Variants in MAPK14 observed in about 807,000 individuals in gnomAD.
MAPK14 encodes the protein mitogen-activated protein kinase 14.
In MAPK14, 16 loss-of-function variants were observed where a neutral mutation model predicts 49.6. That is an observed-to-expected ratio of 0.32 (90% CI 0.22 to 0.49). MAPK14 has a LOEUF of 0.49. MAPK14 is among the 20% of genes least tolerant of loss of function. The pLI, the probability that MAPK14 is intolerant of heterozygous loss-of-function variation, is 0.99. For missense variants in MAPK14, 200 were observed against 441.2 expected, an observed-to-expected ratio of 0.45 and a Z score of 4.90; for synonymous variants, 142 against 158.0, an observed-to-expected ratio of 0.90 and a Z score of 0.76.
intron 11 of MAPK14, among the ~76,000 whole-genome samples, chr6:36,108,076 C>A (rs1765852269): frequency 6.6e-6 from 1 of 152,214 alleles, no homozygotes; most frequent in African/African-American, 2.4e-5. Flanking sequence ...ATCCCAAGAG[C>A]CAAGACCATC....
intron 4 of MAPK14, chr6:36,073,239 C>G (rs1764379885): frequency 2.1e-6 from 1 of 478,770 alleles, no homozygotes; most frequent in African/African-American, 2.0e-5. Flanking sequence ...TTATATAATA[C>G]CATCCATAGA....
chr6:36,034,593 G>A (rs1213066518), intron 1 of MAPK14, among the ~76,000 whole-genome samples: 1 of 152,200 alleles, frequency 6.6e-6, no homozygotes, highest in African/African-American at 2.4e-5. Flanking sequence ...TCTCATGGCT[G>A]CTATGGAAGT....
chr6:36,066,713 G>A (rs1581779113), intron 3 of MAPK14, among the ~76,000 whole-genome samples: 1 of 151,854 alleles, frequency 6.6e-6, no homozygotes, highest in East Asian at 1.9e-4. Flanking sequence ...TTTGTACTTG[G>A]ATAAAAATTG....
chr6:36,107,375 A>G lies in MAPK14; in HGVS notation c.842-80A>G. 9.7e-7 allele frequency: 1 copy of G among 1,035,870 alleles called. No homozygotes were observed. Among genetic ancestry groups the G allele is most frequent in the South Asian group, 2.0e-5 (1 of 48,962 alleles). The allele number at this position is 1,035,870 out of a possible 1,614,324, so 64.2% of individuals were successfully genotyped here. ...GTTCTTTGTTTGGATATGAAGGGTC[A>G]AAACTATGTTTGCTCAATAAGGCAT... On this transcript the variant is annotated intron_variant, in intron 10 of 11. Transcript: ENST00000229794. The surrounding 1 kb of genome is among the most constrained non-coding windows in gnomAD (Gnocchi z 4.3).
At chr6:36,087,314 G>C (rs1398357223) in intron 8 of MAPK14, among the ~76,000 whole-genome samples, 2 of 152,058 alleles carry the variant, frequency 1.3e-5, no homozygotes, top group East Asian at 3.8e-4. Context: ...AGAAAGAAAG[G>C]GTATTCAAAT....
chr6:36,090,266 G>A (rs1054815257), intron 8 of MAPK14, among the ~76,000 whole-genome samples: 1 of 151,980 alleles, frequency 6.6e-6, no homozygotes, highest in African/African-American at 2.4e-5. Context: ...TAGAGCTAAA[G>A]CTTCTGGAGA....
chr6:36,071,177 AC>A (rs1033982404), intron 3 of MAPK14, among the ~76,000 whole-genome samples: 4 of 152,148 alleles, frequency 2.6e-5, no homozygotes, highest in African/African-American at 9.6e-5. Flanking sequence ...TACTAAAAAT[AC>A]AAAAATTAGC....
rs1252630703 is a variant in MAPK14 at position 36,110,781 on chromosome 6, T to C, written c.*2334T>C. 1.3e-5 allele frequency: 2 copies of C among 152,274 alleles called. No individual in the cohort carries two copies. Among genetic ancestry groups the C allele is most frequent in the African/African-American group, 2.4e-5 (1 of 41,472 alleles). The allele number at this position is 152,274 out of a possible 1,614,324, so 9.4% of individuals were successfully genotyped here. A position where few individuals can be genotyped will look rare whatever the true frequency, so the allele number is the denominator to read the frequency against. Reference sequence around the variant, plus strand: ...TTTAGTGAGTTTCTCAAGTTTATTATATTTTTCTCTTGTTTTTATTTAATG... The same window carrying C: ...TTTAGTGAGTTTCTCAAGTTTATTACATTTTTCTCTTGTTTTTATTTAATG... On this transcript the variant is annotated 3_prime_UTR_variant, in exon 12 of 12. Coordinates refer to ENST00000229794, the MANE Select transcript of MAPK14 (RefSeq NM_139012.3).
At chr6:36,059,900 A>G (rs892341976) in intron 3 of MAPK14, among the ~76,000 whole-genome samples, 2 of 152,174 alleles carry the variant, frequency 1.3e-5, no homozygotes, top group African/African-American at 4.8e-5. Context: ...TCGCCCATGC[A>G]TGTGGGAGAT....
chr6:36,113,913 G>A (rs76820694), downstream of MAPK14, among the ~76,000 whole-genome samples: 102 of 152,326 alleles, frequency 6.7e-4, 1 homozygote, highest in East Asian at 0.016. Flanking sequence ...AAGCAAAGCC[G>A]CACCAGTACT....
chr6:36,032,313 A>G (rs1195397850), intron 1 of MAPK14, among the ~76,000 whole-genome samples: 1 of 152,234 alleles, frequency 6.6e-6, no homozygotes. Context: ...AGAGTTTTAC[A>G]AATATGCCTT....
intron 8 of MAPK14, among the ~76,000 whole-genome samples, chr6:36,080,355 G>A (rs904508659): frequency 1.1e-4 from 16 of 151,972 alleles, no homozygotes; most frequent in Non-Finnish European, 2.2e-4. Context: ...CACTCAGCCC[G>A]TGAAACAGTA....
At chr6:36,032,649 T>C (rs1762586800) in intron 1 of MAPK14, among the ~76,000 whole-genome samples, 1 of 152,230 alleles carries the variant, frequency 6.6e-6, no homozygotes, top group Admixed American at 6.5e-5. Flanking sequence ...ACAGTGTTTA[T>C]TGAATACCTA....
At chr6:36,042,967 T>C (rs1471491391) in intron 1 of MAPK14, among the ~76,000 whole-genome samples, 1 of 151,810 alleles carries the variant, frequency 6.6e-6, no homozygotes. Context: ...ACCAAAAATA[T>C]AAAAAAATTA....
intron 8 of MAPK14, among the ~76,000 whole-genome samples, chr6:36,090,891 C>T (rs558094711): frequency 7.6e-4 from 116 of 152,320 alleles, no homozygotes; most frequent in African/African-American, 2.5e-3. Context: ...GTAGAATCCT[C>T]AGATTTGTCC....
intron 8 of MAPK14, among the ~76,000 whole-genome samples, chr6:36,084,285 T>G (rs377766576): frequency 7.2e-5 from 11 of 152,188 alleles, no homozygotes; most frequent in Admixed American, 2.0e-4. Context: ...CCAGAGTGCT[T>G]CTTTTCCTCC....
At chr6:36,105,938 G>A (rs775803666) in intron 10 of MAPK14, among the ~76,000 whole-genome samples, 1 of 152,196 alleles carries the variant, frequency 6.6e-6, no homozygotes, top group Non-Finnish European at 1.5e-5. Flanking sequence ...TATAGAGTTA[G>A]ACAAATTACC....
chr6:36,029,888 A>G (rs545246460), intron 1 of MAPK14, among the ~76,000 whole-genome samples: 19 of 116,636 alleles, frequency 1.6e-4, no homozygotes, highest in African/African-American at 5.6e-4. Flanking sequence ...CAGTATATAC[A>G]TATTATATAG....
At chr6:36,050,821 G>A (rs750159713) in intron 1 of MAPK14, among the ~76,000 whole-genome samples, 1 of 152,184 alleles carries the variant, frequency 6.6e-6, no homozygotes, top group African/African-American at 2.4e-5. Flanking sequence ...GGCTATAAGA[G>A]AAGCAGTGTC....
Sources: gnomAD v4.1 joint callset for allele counts (sites outside exome capture counted in the v4.1 genomes callset) on GRCh38, gnomAD v4.1.1 for gene constraint, Gnocchi (gnomAD v3.1) non-coding constraint, MANE v1.5 for transcripts, NCBI Gene and HGNC (gene_info 2026-07-23, HGNC 2026-07-21) for gene names.